Variants in PRKN observed in about 807,000 individuals in gnomAD.
PRKN encodes the protein parkin RBR E3 ubiquitin protein ligase, also known as E3 ubiquitin-protein ligase parkin.
Under a neutral mutation model 59.5 loss-of-function variants are expected in PRKN, and 56 were observed. The ratio of observed to expected loss-of-function variants is 0.94; its 90% CI spans 0.76 to 1.18. PRKN has a LOEUF of 1.18. PRKN is among the 50% of genes most tolerant of loss of function. The probability of loss-of-function intolerance (pLI) is 0.00; values close to 1 mark genes in which losing one functional copy is unlikely to be tolerated. For missense variants in PRKN, 657 were observed against 596.4 expected (o/e 1.10, Z -1.06); for synonymous variants, 250 against 222.1 (o/e 1.13, Z -1.12).
At chr6:162,360,486 G>C (rs1785086961) in intron 2 of PRKN, among the ~76,000 whole-genome samples, 1 of 152,070 alleles carries the variant, frequency 6.6e-6, no homozygotes, top group African/African-American at 2.4e-5. Flanking sequence ...GTTGTTTTTA[G>C]ATATTTCCTA....
chr6:161,671,913 G>A (rs1284240246), intron 7 of PRKN, among the ~76,000 whole-genome samples: 1 of 152,094 alleles, frequency 6.6e-6, no homozygotes, highest in African/African-American at 2.4e-5. Flanking sequence ...ATTTAGTACA[G>A]ACTAATATAA....
At chr6:161,662,409 T>C (rs1784581303) in intron 7 of PRKN, among the ~76,000 whole-genome samples, 1 of 151,974 alleles carries the variant, frequency 6.6e-6, no homozygotes, top group South Asian at 2.1e-4. Context: ...GGGATGGTGG[T>C]GGTGGTGGTA....
Position 161,706,524 on chromosome 6 carries a change from G to A in PRKN, c.871+79248C>T, listed in dbSNP as rs374841153. 3.3e-5 allele frequency among the ~76,000 whole-genome samples: 5 copies of A among 152,316 alleles called. No individual in the cohort carries two copies. In the East Asian group the frequency reaches 9.7e-4, roughly 29 times the overall value. On this transcript the variant is annotated intron_variant, in intron 7 of 11. Transcript: ENST00000366898. ...GTTCTAGGATGCAACTGGCACGCAGGAAGGAATCGATAAACGAAAGACAAG... is the reference window on the plus strand; with the variant it reads ...GTTCTAGGATGCAACTGGCACGCAGAAAGGAATCGATAAACGAAAGACAAG...
At chr6:161,406,875 C>T (rs1255578161) in intron 9 of PRKN, among the ~76,000 whole-genome samples, 3 of 152,126 alleles carry the variant, frequency 2.0e-5, no homozygotes, top group Non-Finnish European at 4.4e-5. Context: ...ATTGCACCAT[C>T]ATTGATGGAC....
At position 161,483,050 on chromosome 6, in the gene PRKN, A is replaced by C. The variant is rs1288869430; in HGVS notation, c.1083+65804T>G. 2.0e-5 allele frequency among the ~76,000 whole-genome samples: 3 copies of C among 152,068 alleles called. No individual in the cohort carries two copies. Among genetic ancestry groups the C allele is most frequent in the Non-Finnish European group, 2.9e-5 (2 of 68,026 alleles). ...CTCCCTCGGCTTCTTTTTAAGTTTG[A>C]GAGTGAATTTGGTTTTGTAAAAGTA... is the stretch of plus-strand genomic sequence containing the variant. On this transcript the variant is annotated intron_variant, in intron 9 of 11. Coordinates refer to ENST00000366898, the MANE Select transcript of PRKN (RefSeq NM_004562.3). This position sits in a 1 kb window ranked among gnomAD's most constrained non-coding sequence, Gnocchi z 5.0.
chr6:162,090,824 A>G (rs1421101936), intron 4 of PRKN, among the ~76,000 whole-genome samples: 1 of 152,140 alleles, frequency 6.6e-6, no homozygotes, highest in Non-Finnish European at 1.5e-5. Context: ...AGGTTTGGAA[A>G]ATGCTAGACC....
intron 7 of PRKN, among the ~76,000 whole-genome samples, chr6:161,670,816 AAAACAAAC>A (rs56922951): frequency 1.3e-5 from 2 of 150,088 alleles, no homozygotes; most frequent in Non-Finnish European, 3.0e-5. Context: ...CTCTGTCTCA[AAAACAAAC>A]AAACAAACAA....
chr6:161,940,719 A>G (rs1216219478), intron 6 of PRKN, among the ~76,000 whole-genome samples: 1 of 152,250 alleles, frequency 6.6e-6, no homozygotes, highest in Non-Finnish European at 1.5e-5. Context: ...GAAGAGCCGG[A>G]AAGTGACTGT....
chr6:161,823,225 C>T (rs189275126), intron 6 of PRKN, among the ~76,000 whole-genome samples: 12 of 152,078 alleles, frequency 7.9e-5, no homozygotes, highest in Middle Eastern at 3.4e-3. Flanking sequence ...GTGTGAGCCA[C>T]TGTGCCCATC....
chr6:161,764,736 AG>A, intron 7 of PRKN, among the ~76,000 whole-genome samples: 1 of 152,360 alleles, frequency 6.6e-6, no homozygotes, highest in East Asian at 1.9e-4. Context: ...TAGTCTCAGA[AG>A]GAAAGTGTAT....
At chr6:162,607,164 C>T (rs1333709117) in intron 1 of PRKN, among the ~76,000 whole-genome samples, 5 of 152,126 alleles carry the variant, frequency 3.3e-5, no homozygotes, top group Non-Finnish European at 5.9e-5. Flanking sequence ...AAAGAGATCT[C>T]TGGGTCTAGA....
chr6:161,501,320 T>C (rs1175679654), intron 9 of PRKN, among the ~76,000 whole-genome samples: 1 of 152,202 alleles, frequency 6.6e-6, no homozygotes, highest in East Asian at 1.9e-4. Context: ...GCCATTTTAG[T>C]AGGTGTGTAG....
At chr6:162,128,487 C>T (rs760794774) in intron 4 of PRKN, among the ~76,000 whole-genome samples, 12 of 151,958 alleles carry the variant, frequency 7.9e-5, no homozygotes, top group Non-Finnish European at 1.6e-4. Context: ...AGAGGCCAAA[C>T]GTAGACAGCA....
At chr6:162,370,063 T>C (rs1276607956) in intron 2 of PRKN, among the ~76,000 whole-genome samples, 1 of 152,200 alleles carries the variant, frequency 6.6e-6, no homozygotes, top group Non-Finnish European at 1.5e-5. Flanking sequence ...TCTTGAAATA[T>C]GGTTTTCTCT....
chr6:162,070,843 T>C (rs1021845593), intron 4 of PRKN, among the ~76,000 whole-genome samples: 26 of 152,042 alleles, frequency 1.7e-4, no homozygotes, highest in African/African-American at 5.6e-4. Flanking sequence ...CTACTGCTTA[T>C]CTCCTGCTGA....
intron 1 of PRKN, among the ~76,000 whole-genome samples, chr6:162,601,593 C>G (rs889341711): frequency 7.9e-5 from 12 of 152,118 alleles, no homozygotes; most frequent in Admixed American, 6.6e-5. Flanking sequence ...TCCCAACTTT[C>G]TCTCATAAGA....
chr6:162,234,169 C>T (rs1020561413), intron 3 of PRKN, among the ~76,000 whole-genome samples: 1 of 152,060 alleles, frequency 6.6e-6, no homozygotes, highest in African/African-American at 2.4e-5. Flanking sequence ...AAAGTGAGAA[C>T]AGGTACACGA....
At chr6:161,501,415 C>CT (rs1777959080) in intron 9 of PRKN, among the ~76,000 whole-genome samples, 1 of 152,054 alleles carries the variant, frequency 6.6e-6, no homozygotes, top group South Asian at 2.1e-4. Flanking sequence ...ATCTGTATAT[C>CT]TTTTTTCGGT....
intron 7 of PRKN, among the ~76,000 whole-genome samples, chr6:161,571,731 A>AT (rs1331082520): frequency 6.6e-6 from 1 of 152,072 alleles, no homozygotes; most frequent in African/African-American, 2.4e-5. Context: ...ATAACATGTT[A>AT]TTTCTGGGTG....
Sources: gnomAD v4.1 joint callset for allele counts (sites outside exome capture counted in the v4.1 genomes callset) on GRCh38, gnomAD v4.1.1 for gene constraint, Gnocchi (gnomAD v3.1) non-coding constraint, MANE v1.5 for transcripts, NCBI Gene and HGNC (gene_info 2026-07-23, HGNC 2026-07-21) for gene names.